SNX29: variants seen among roughly 807,000 people sequenced by gnomAD.
SNX29 encodes the protein sorting nexin 29, also known as sorting nexin-29.
SNX29 carries 78 observed loss-of-function variants against 102.1 expected under a neutral mutation model. That is an observed-to-expected ratio of 0.76 (90% confidence interval 0.64 to 0.92). The LOEUF (loss-of-function observed/expected upper bound fraction) is 0.92. Ranked by LOEUF, SNX29 falls within the 40% of genes least tolerant of loss-of-function variation. The pLI, the probability that SNX29 is intolerant of heterozygous loss-of-function variation, is 0.00. For missense variants in SNX29, 1,280 were observed against 1,061.7 expected, an observed-to-expected ratio of 1.21 and a Z score of -2.86; for synonymous variants, 580 against 414.5, an observed-to-expected ratio of 1.40 and a Z score of -4.85.
At chr16:12,126,118 C>G (rs1295007835) in intron 11 of SNX29, among the ~76,000 whole-genome samples, 1 of 152,176 alleles carries the variant, frequency 6.6e-6, no homozygotes, top group South Asian at 2.1e-4. Context: ...AGTAAATCCC[C>G]TAACTCTTGA....
intron 20 of SNX29, among the ~76,000 whole-genome samples, chr16:12,553,098 CCTGGGGCTTTCAGGCTGGGA>C (rs1223845734): frequency 6.8e-6 from 1 of 147,562 alleles, no homozygotes; most frequent in Admixed American, 6.6e-5. Flanking sequence ...TCAGGCTTGG[CCTGGGGCTTTCAGGCTGGGA>C]GGGCCTTGGG....
At chr16:12,271,441 C>T (rs1334176213) in intron 14 of SNX29, among the ~76,000 whole-genome samples, 2 of 152,192 alleles carry the variant, frequency 1.3e-5, no homozygotes, top group African/African-American at 4.8e-5. Context: ...ATAACTTAAT[C>T]TCAGTGGTGA....
At chr16:12,261,530 G>T (rs962690046) in intron 14 of SNX29, among the ~76,000 whole-genome samples, 3 of 140,560 alleles carry the variant, frequency 2.1e-5, no homozygotes, top group Non-Finnish European at 3.1e-5. Context: ...GTCTGTGCAC[G>T]TGTCCCCGGC....
chr16:12,566,168 G>A (rs965709336), intron 20 of SNX29, among the ~76,000 whole-genome samples: 1 of 152,200 alleles, frequency 6.6e-6, no homozygotes, highest in Admixed American at 6.5e-5. Flanking sequence ...GCTAGTTGGT[G>A]GCTTTAGGTA....
intron 20 of SNX29, among the ~76,000 whole-genome samples, chr16:12,538,339 C>G (rs1163561604): frequency 1.3e-5 from 2 of 152,196 alleles, no homozygotes; most frequent in Non-Finnish European, 2.9e-5. Flanking sequence ...CCAGGATGGT[C>G]TCGGTCTTCC....
At chr16:12,018,173 A>G (rs377066739) in intron 3 of SNX29, among the ~76,000 whole-genome samples, 2 of 152,288 alleles carry the variant, frequency 1.3e-5, no homozygotes, top group African/African-American at 4.8e-5. Flanking sequence ...TGAGTTTAAT[A>G]AGTCTTCCCA....
intron 3 of SNX29, among the ~76,000 whole-genome samples, chr16:12,009,719 G>A (rs1166792151): frequency 6.6e-6 from 1 of 152,140 alleles, no homozygotes; most frequent in Non-Finnish European, 1.5e-5. Flanking sequence ...TAGGAACAAA[G>A]ACTCGTTCTT....
At chr16:12,483,986 G>T (rs540116433) in intron 19 of SNX29, among the ~76,000 whole-genome samples, 2 of 152,334 alleles carry the variant, frequency 1.3e-5, no homozygotes, top group Non-Finnish European at 2.9e-5. Context: ...ACGCAAGCTG[G>T]GATGACGTTT....
chr16:12,565,994 A>ACCC (rs547348174), intron 20 of SNX29, among the ~76,000 whole-genome samples: 73 of 152,164 alleles, frequency 4.8e-4, no homozygotes, highest in Non-Finnish European at 9.3e-4. Context: ...CCACTTCTGC[A>ACCC]CCCCTTCATG....
rs1261121800 is a variant in SNX29, at chr16:12,569,205, C to A, written c.*576C>A. On this transcript the variant is annotated 3_prime_UTR_variant, in exon 21 of 21. Coordinates refer to ENST00000566228, the MANE Select transcript of SNX29 (RefSeq NM_032167.5). ...TTAGACACCTGGCACTGTCACAGCTCACTTTTCCAGAGGGATATTCCTGTG... is the reference window on the plus strand; with the variant it reads ...TTAGACACCTGGCACTGTCACAGCTAACTTTTCCAGAGGGATATTCCTGTG... 7 of 216,528 alleles carry A rather than the reference C, an allele frequency of 3.2e-5. No homozygotes were observed. Among genetic ancestry groups the A allele is most frequent in the African/African-American group, 1.6e-4 (7 of 44,136 alleles). The allele number at this position is 216,528 out of a possible 1,614,324, so 13.4% of individuals were successfully genotyped here.
At chr16:12,471,959 G>C (rs12918210) in intron 18 of SNX29, among the ~76,000 whole-genome samples, 62,305 of 152,092 alleles carry the variant, frequency 0.41, 12,843 homozygotes, top group Middle Eastern at 0.49. Context: ...GTCTATGACT[G>C]CAAAAGACAC....
rs2141965138 is a variant in SNX29 at position 12,199,610 on chromosome 16, G to A, written c.1605G>A (p.Glu535=). 2 of 1,612,654 alleles carry A rather than the reference G, an allele frequency of 1.2e-6. No individual in the cohort carries two copies. Among genetic ancestry groups the A allele is most frequent in the Non-Finnish European group, 1.7e-6 (2 of 1,179,274 alleles). ...ATTCTTGTACCTGCAGAGAGAACGA[G>A]GTGCTCAAAGTCCAACTGAAGAAAT... ...MKVQALAREN[E]VLKVQLKKYV... is the part of the protein sequence containing the mutation. The change falls in exon 14 of 21, where the codon GAG becomes GAA. Residue 535 remains glutamate, a synonymous_variant. Coordinates refer to ENST00000566228, the MANE Select transcript of SNX29 (RefSeq NM_032167.5).
chr16:12,135,988 G>C (rs999946018), intron 13 of SNX29, among the ~76,000 whole-genome samples: 7 of 152,198 alleles, frequency 4.6e-5, no homozygotes, highest in African/African-American at 1.7e-4. Flanking sequence ...ACTTCCCTTC[G>C]TGTATGTCAC....
chr16:12,234,741 C>A (rs529395985), intron 14 of SNX29, among the ~76,000 whole-genome samples: 112 of 152,276 alleles, frequency 7.4e-4, no homozygotes, highest in Non-Finnish European at 1.3e-3. Flanking sequence ...GAGAGTTGTT[C>A]ATTCCCTCTC....
chr16:12,358,198 CT>C (rs34408339), intron 16 of SNX29, among the ~76,000 whole-genome samples: 70,341 of 152,012 alleles, frequency 0.46, 17,206 homozygotes, highest in Non-Finnish European at 0.57. Flanking sequence ...TATTAACCCC[CT>C]GTTTGTGTGC....
intron 11 of SNX29, among the ~76,000 whole-genome samples, chr16:12,123,243 C>G (rs1035263335): frequency 1.3e-5 from 2 of 152,114 alleles, no homozygotes; most frequent in Admixed American, 1.3e-4. Context: ...TGAACATATA[C>G]GCCACCTCCC....
intron 13 of SNX29, among the ~76,000 whole-genome samples, chr16:12,179,175 A>G (rs17447604): frequency 0.034 from 5,186 of 152,316 alleles, 136 homozygotes; most frequent in African/African-American, 0.076. Context: ...TATAATTGCC[A>G]AGAACATATA....
chr16:12,263,178 C>T (rs1431823205), intron 14 of SNX29, among the ~76,000 whole-genome samples: 1 of 150,458 alleles, frequency 6.6e-6, no homozygotes. Context: ...GTCACCCAAG[C>T]TGGAGTGCAG....
intron 14 of SNX29, among the ~76,000 whole-genome samples, chr16:12,269,885 G>C (rs191347145): frequency 6.6e-6 from 1 of 150,978 alleles, no homozygotes; most frequent in Non-Finnish European, 1.5e-5. Context: ...ATTTGAGATG[G>C]GGTCTCACTC....
Sources: gnomAD v4.1 joint callset for allele counts (sites outside exome capture counted in the v4.1 genomes callset) on GRCh38, gnomAD v4.1.1 for gene constraint, MANE v1.5 for transcripts, NCBI Gene and HGNC (gene_info 2026-07-23, HGNC 2026-07-21) for gene names.